LRRC40: variants seen among roughly 807,000 people sequenced by gnomAD.
LRRC40 encodes leucine rich repeat containing 40.
Under a neutral mutation model 72.8 loss-of-function variants are expected in LRRC40, and 76 were observed. The ratio of observed to expected loss-of-function variants is 1.04; its 90% CI spans 0.87 to 1.26. LRRC40 has a LOEUF of 1.26. Among genes scored for constraint, LRRC40 ranks in the 50% most tolerant of loss-of-function variants. LRRC40 has a pLI of 0.00. For missense variants in LRRC40, 684 were observed against 698.9 expected (o/e 0.98, Z 0.24); for synonymous variants, 243 against 254.2 (o/e 0.96, Z 0.42).
intron 1 of LRRC40, 82 bp downstream of exon 1, chr1:70,205,308 G>A: frequency 3.0e-6 from 4 of 1,355,606 alleles, no homozygotes; most frequent in Non-Finnish European, 4.0e-6. Flanking sequence ...GGGGGCCAAA[G>A]CCAGCCCAGA....
chr1:70,154,675 A>T (rs934759322), intron 11 of LRRC40, among the ~76,000 whole-genome samples: 6 of 152,196 alleles, frequency 3.9e-5, no homozygotes, highest in Admixed American at 3.3e-4. Flanking sequence ...AGCTTTAAAC[A>T]TCTAAAAAAT....
intron 7 of LRRC40, 89 bp from the exon 8 acceptor site, chr1:70,173,798 A>G (rs1429341630): frequency 1.3e-5 from 8 of 633,796 alleles, no homozygotes; most frequent in East Asian, 2.9e-5. Context: ...ATGGCAAACA[A>G]CATATCACAG....
intron 13 of LRRC40, among the ~76,000 whole-genome samples, chr1:70,149,939 G>C (rs1667427511): frequency 6.6e-6 from 1 of 151,612 alleles, no homozygotes; most frequent in Non-Finnish European, 1.5e-5. Context: ...TTTATTTTTT[G>C]AGACAGAGTC....
chr1:70,192,695 T>C (rs1298590278), intron 1 of LRRC40, among the ~76,000 whole-genome samples: 1 of 152,142 alleles, frequency 6.6e-6, no homozygotes, highest in Non-Finnish European at 1.5e-5. Context: ...GCTATTATCC[T>C]TAGCAAACTA....
intron 9 of LRRC40, among the ~76,000 whole-genome samples, chr1:70,162,131 C>T (rs1667778141): frequency 6.6e-6 from 1 of 151,856 alleles, no homozygotes; most frequent in Non-Finnish European, 1.5e-5. Context: ...TTTTATTATC[C>T]TGTATTACTC....
In LRRC40 at chr1:70,145,083, GC is replaced by G. The variant is rs2102301552; in HGVS notation, c.*716del. ...TCAAATTCCCTTTTAGAAAAACACT[GC>G]AAGTTTAGTCTTACCAAGATTGCAA... On this transcript the variant is annotated 3_prime_UTR_variant, in exon 15 of 15. Transcript: ENST00000370952. 1 of 152,176 alleles carries G rather than the reference GC, an allele frequency of 6.6e-6. No individual in the cohort carries two copies. The highest frequency in any genetic ancestry group is 2.1e-4 in the South Asian group (1 of 4,828). 9.4% of individuals were successfully genotyped at this position (152,176 alleles called of 1,614,324 possible).
intron 1 of LRRC40, among the ~76,000 whole-genome samples, chr1:70,201,978 A>T (rs1668750928): frequency 6.6e-6 from 1 of 152,174 alleles, no homozygotes; most frequent in Admixed American, 6.5e-5. Context: ...ACTCCGTCTC[A>T]AAAATAAAAT....
chr1:70,183,842 C>T (rs1393385710), intron 4 of LRRC40, among the ~76,000 whole-genome samples: 1 of 152,172 alleles, frequency 6.6e-6, no homozygotes, highest in Non-Finnish European at 1.5e-5. Flanking sequence ...GCACGAACTA[C>T]CACACCTAGC....
chr1:70,192,982 AC>A (rs371865723), intron 1 of LRRC40, among the ~76,000 whole-genome samples: 175 of 152,214 alleles, frequency 1.1e-3, no homozygotes, highest in African/African-American at 3.7e-3. Context: ...TTAAAAAAAA[AC>A]AGTATAATGG....
At chr1:70,184,181 G>A (rs924590478) in intron 4 of LRRC40, among the ~76,000 whole-genome samples, 1 of 151,978 alleles carries the variant, frequency 6.6e-6, no homozygotes, top group Non-Finnish European at 1.5e-5. Context: ...CCTGGGAGGT[G>A]GAGGTTGCAG....
chr1:70,203,300 G>A (rs1406736432), intron 1 of LRRC40, among the ~76,000 whole-genome samples: 1 of 152,154 alleles, frequency 6.6e-6, no homozygotes, highest in Admixed American at 6.5e-5. Flanking sequence ...GTATCTTCTG[G>A]GCTATGGGAA....
intron 9 of LRRC40, among the ~76,000 whole-genome samples, chr1:70,165,728 A>G: frequency 6.6e-6 from 1 of 152,176 alleles, no homozygotes; most frequent in Non-Finnish European, 1.5e-5. Flanking sequence ...AAAGAGCTCC[A>G]GAAAATTTAG....
chr1:70,202,608 G>A (rs529625862), intron 1 of LRRC40, among the ~76,000 whole-genome samples: 1 of 152,258 alleles, frequency 6.6e-6, no homozygotes, highest in East Asian at 1.9e-4. Flanking sequence ...TACTCTAATG[G>A]TGGATATACG....
intron 1 of LRRC40, among the ~76,000 whole-genome samples, chr1:70,195,568 G>A (rs1668590430): frequency 1.3e-5 from 2 of 152,184 alleles, no homozygotes; most frequent in Non-Finnish European, 2.9e-5. Flanking sequence ...ATGAGGTGGA[G>A]GAACTGAATC....
At chr1:70,197,035 A>G (rs972784557) in intron 1 of LRRC40, among the ~76,000 whole-genome samples, 2 of 152,248 alleles carry the variant, frequency 1.3e-5, no homozygotes, top group Admixed American at 1.3e-4. Context: ...ATGGCTCAAC[A>G]GAACTTTCTA....
chr1:70,184,713 T>C, intron 4 of LRRC40, 72 bp downstream of exon 4: 2 of 1,385,916 alleles, frequency 1.4e-6, no homozygotes, highest in South Asian at 1.4e-5. Flanking sequence ...CAATCATCTA[T>C]CTTAATTTCT....
chr1:70,150,197 G>C (rs144338312), intron 13 of LRRC40, among the ~76,000 whole-genome samples: 1 of 152,116 alleles, frequency 6.6e-6, no homozygotes, highest in African/African-American at 2.4e-5. Flanking sequence ...GGGATTACAG[G>C]TGTCAGTCAC....
intron 1 of LRRC40, among the ~76,000 whole-genome samples, chr1:70,204,764 A>G (rs1366989003): frequency 7.0e-6 from 1 of 141,922 alleles, no homozygotes; most frequent in East Asian, 2.3e-4. Flanking sequence ...CACACACGAC[A>G]ATCAGAAGAG....
intron 11 of LRRC40, among the ~76,000 whole-genome samples, chr1:70,152,860 T>C (rs777290151): frequency 1.1e-4 from 16 of 152,070 alleles, no homozygotes; most frequent in Admixed American, 2.0e-4. Context: ...ACCTAGAAAA[T>C]TTTTATACTT....
Sources: gnomAD v4.1 joint callset for allele counts (sites outside exome capture counted in the v4.1 genomes callset) on GRCh38, gnomAD v4.1.1 for gene constraint, MANE v1.5 for transcripts, NCBI Gene and HGNC (gene_info 2026-07-23, HGNC 2026-07-21) for gene names.